EXOC3L1: variants seen among roughly 807,000 people sequenced by gnomAD.
EXOC3L1 encodes the protein exocyst complex component 3 like 1.
EXOC3L1 carries 79 observed loss-of-function variants against 83.6 expected under a neutral mutation model. The observed-to-expected ratio is 0.95, with a 90% CI of 0.79 to 1.14. The LOEUF is 1.14. Ranked by LOEUF, EXOC3L1 falls within the 50% of genes most tolerant of loss-of-function variation. EXOC3L1 has a pLI of 0.00. For missense variants in EXOC3L1, 945 were observed against 972.0 expected (o/e 0.97, Z 0.37); for synonymous variants, 433 against 451.2 (o/e 0.96, Z 0.51).
Position 67,185,487 on chromosome 16 carries a change from G to A in EXOC3L1, c.1500C>T (p.Ser500=). The A allele has an allele frequency of 6.2e-7, 1 of 1,606,902 alleles. No individual in the cohort carries two copies. The highest frequency in any genetic ancestry group is 8.5e-7 in the Non-Finnish European group (1 of 1,179,952). ...AALNHKSALS[S]SVSVLQLDGA... is the part of the protein sequence containing the mutation. ...CGTCCAGCTGCAGGACAGACACTGA[G>A]GAGCTGGACCAAGCAAAACTACGGC... Residue 500 remains serine, a synonymous_variant, in exon 10 of 14, where the codon TCC becomes TCT. Coordinates refer to ENST00000314586, the MANE Select transcript of EXOC3L1 (RefSeq NM_178516.4).
At chr16:67,184,665 C>T (rs778241889) in intron 13 of EXOC3L1, 21 bp downstream of exon 13, 4 of 1,579,840 alleles carry the variant, frequency 2.5e-6, no homozygotes, top group Non-Finnish European at 3.4e-6. Context: ...CTTCTCTTCC[C>T]TTCTGGCCCC....
chr16:67,187,844 A>C lies in EXOC3L1; in HGVS notation c.428-7T>G. ...TGGGACACTGCAGCCGGCACTAATG[A>C]GAGTGAAAAGGAGACGGCCCTGGGT... On this transcript the variant is annotated splice_region_variant and splice_polypyrimidine_tract_variant and intron_variant, in intron 4 of 13. Transcript: ENST00000314586. 1 of 1,570,962 alleles carries C rather than the reference A, an allele frequency of 6.4e-7. No homozygotes were observed. The highest frequency in any genetic ancestry group is 8.7e-7 in the Non-Finnish European group (1 of 1,155,200).
Position 67,184,956 on chromosome 16 carries a change from C to A in EXOC3L1, c.1851G>T (p.Ala617=). Residue 617 remains alanine (A), a synonymous_variant, in exon 12 of 14, where the codon GCG becomes GCT. Transcript: ENST00000314586. ...CAGCATCGTGCCGCAGGCGCTCGGC[C>A]GCCTGGGTCCTCTCGTCGGCTCCGC... ...VCRGADERTQ[A]AERLRHDAAQ... 1 of 1,610,826 alleles carries A rather than the reference C, an allele frequency of 6.2e-7. No homozygotes were observed. Among genetic ancestry groups the A allele is most frequent in the Non-Finnish European group, 8.5e-7 (1 of 1,179,238 alleles).
chr16:67,189,338 G>A (rs2032819988), intron 2 of EXOC3L1, 158 bp from the exon 3 acceptor site: 2 of 880,780 alleles, frequency 2.3e-6, no homozygotes, highest in Non-Finnish European at 3.3e-6. Context: ...GTGCAGTGGT[G>A]CAATCTCGGG....
At position 67,184,911 on chromosome 16, in the gene EXOC3L1, G is replaced by A; in HGVS notation, c.1896C>T (p.Phe632=). 2 of 1,612,378 alleles carry A rather than the reference G, an allele frequency of 1.2e-6. No homozygotes were observed. Among genetic ancestry groups the A allele is most frequent in the Non-Finnish European group, 1.7e-6 (2 of 1,179,784 alleles). ...RHDAAQLQQL[F]LSLGLEENAH... is the part of the protein sequence containing the mutation. ...CCCAAGAAGCTCTCACCAAACTGAG[G>A]AAAAGCTGCTGAAGCTGGGCAGCAT... is the stretch of plus-strand genomic sequence containing the variant. Residue 632 remains phenylalanine (F), a synonymous_variant, in exon 12 of 14, where the codon TTC becomes TTT. Coordinates refer to ENST00000314586, the MANE Select transcript of EXOC3L1 (RefSeq NM_178516.4).
At position 67,185,211 on chromosome 16, in the gene EXOC3L1, C is replaced by T. The variant is rs2032662486; in HGVS notation, c.1674G>A (p.Glu558=). The change falls in exon 11 of 14, where the codon GAG becomes GAA. Residue 558 remains glutamate, a synonymous_variant. Transcript: ENST00000314586. ...LPSRQWLSSP[E]LLQSVCERTG... ...TCCGTTCACACACACTTTGCAGGAG[C>T]TCAGGGCTCGACAGCCATTGGCGCG... The T allele has an allele frequency of 6.2e-7, 1 of 1,613,322 alleles. No homozygotes were observed. Among genetic ancestry groups the T allele is most frequent in the African/African-American group, 1.3e-5 (1 of 74,982 alleles).
At chr16:67,185,990 T>C (rs1010224340) in intron 9 of EXOC3L1, among the ~76,000 whole-genome samples, 2 of 152,194 alleles carry the variant, frequency 1.3e-5, no homozygotes, top group Admixed American at 6.5e-5. Flanking sequence ...CCACTTTACA[T>C]GTTATCTCAT....
rs781044046 is a variant in EXOC3L1 at position 67,184,994 on chromosome 16, G to A, written c.1813C>T (p.Arg605Cys). 9 of 1,609,702 alleles carry A rather than the reference G, an allele frequency of 5.6e-6. No individual in the cohort carries two copies. The highest frequency in any genetic ancestry group is 7.6e-6 in the Non-Finnish European group (9 of 1,178,708). ...TCGTCGGCTCCGCGGCACACCAGGC[G>A]GCCTTGCATCAGCGCGCTCAGGTAC... ...LQYLSALMQG[R>C]LVCRGADERT... is the part of the protein sequence containing the mutation. The change falls in exon 12 of 14, where the codon CGC becomes TGC. Residue 605 changes from arginine (R) to cysteine (C), a missense_variant. By Grantham distance (180) the Arg-to-Cys change is radical (BLOSUM62 -3). Transcript: ENST00000314586.
Position 67,188,864 on chromosome 16 carries a change from C to T in EXOC3L1, c.284G>A (p.Gly95Glu), listed in dbSNP as rs145550510. 6.2e-7 allele frequency: 1 copy of T among 1,613,258 alleles called. No homozygotes were observed. Among genetic ancestry groups the T allele is most frequent in the Non-Finnish European group, 8.5e-7 (1 of 1,180,012 alleles). ...GGCCTGGCTCAGGGCCTCCCGGGTT[C>T]CCTGCACCACCTCAATGGCCTGGGC... is the stretch of plus-strand genomic sequence containing the variant. ...QLAQAIEVVQ[G>E]TREALSQARG... The change falls in exon 4 of 14, where the codon GGA (glycine) becomes GAA (glutamate). Residue 95 changes from glycine to glutamate, a missense_variant. Physicochemically the swap from Gly to Glu is moderately conservative, Grantham distance 98. Transcript: ENST00000314586.
Position 67,185,023 on chromosome 16 carries a change from A to G in EXOC3L1, c.1784T>C (p.Leu595Pro). ...LLAEAERAVVLQYLSALMQGR... is the reference protein window; with the variant it reads ...LLAEAERAVVPQYLSALMQGR... ...TTGCATCAGCGCGCTCAGGTACTGG[A>G]GCACCACGGCACGCTCGGCCTCAGC... Residue 595 changes from leucine to proline, a missense_variant, in exon 12 of 14, where the codon CTC becomes CCC. Leu to Pro is a moderately conservative substitution (Grantham distance 98). Transcript: ENST00000314586. The G allele has an allele frequency of 1.2e-6, 2 of 1,609,530 alleles. No homozygotes were observed. Among genetic ancestry groups the G allele is most frequent in the Non-Finnish European group, 8.5e-7 (1 of 1,178,006 alleles).
At chr16:67,185,580 C>CCGG in intron 9 of EXOC3L1, 90 bp from the exon 10 acceptor site, 2 of 1,246,638 alleles carry the variant, frequency 1.6e-6, no homozygotes, top group Non-Finnish European at 2.3e-6. Context: ...CCTTGTGGGG[C>CCGG]AAGTGTTTGA....
intron 1 of EXOC3L1, 83 bp from the exon 2 acceptor site, chr16:67,189,766 T>G (rs941535716): frequency 1.3e-5 from 18 of 1,388,608 alleles, no homozygotes; most frequent in Non-Finnish European, 1.8e-5. Flanking sequence ...GTCTAAGCCC[T>G]TCTGAGAGGA....
Position 67,185,117 on chromosome 16 carries a change from A to G in EXOC3L1, c.1749+19T>C, listed in dbSNP as rs756098820. 6.8e-6 allele frequency: 11 copies of G among 1,612,874 alleles called. No homozygotes were observed. Among genetic ancestry groups the G allele is most frequent in the South Asian group, 3.3e-5 (3 of 91,080 alleles). On this transcript the variant is annotated intron_variant, in intron 11 of 13. Transcript: ENST00000314586. ...TCTCACCCGCGCCGCCCCTTCCCCA[A>G]TCTTTTCCCCCAACCCACCTGAACC...
At position 67,185,249 on chromosome 16, in the gene EXOC3L1, C is replaced by T; in HGVS notation, c.1636G>A (p.Ala546Thr). ...AGCCATTGGCGCGAGGGCAGATCCGCGAACAGGGGCTGGGGAAATGATCCA... is the reference window on the plus strand; with the variant it reads ...AGCCATTGGCGCGAGGGCAGATCCGTGAACAGGGGCTGGGGAAATGATCCA... ...ALQAELQPLF[A>T]DLPSRQWLSS... The change falls in exon 11 of 14, where the codon GCG becomes ACG. Residue 546 changes from alanine (A) to threonine (T), a missense_variant. Physicochemically the swap from Ala to Thr is moderately conservative, Grantham distance 58 (BLOSUM62 0). Transcript: ENST00000314586. The T allele has an allele frequency of 6.2e-7, 1 of 1,613,562 alleles. No individual in the cohort carries two copies.
Position 67,187,837 on chromosome 16 carries a change from A to ACTAATG in EXOC3L1, c.428-6_428-1dup (p.Ala142_Val143insAlaLeu). ...CTGTGTGTGGGACACTGCAGCCGGC[A>ACTAATG]CTAATGAGAGTGAAAAGGAGACGGC... On this transcript the variant is annotated inframe_insertion and splice_region_variant. Transcript: ENST00000314586. 6.3e-7 allele frequency: 1 copy of ACTAATG among 1,578,758 alleles called. No homozygotes were observed. The highest frequency in any genetic ancestry group is 8.6e-7 in the Non-Finnish European group (1 of 1,159,332).
At position 67,186,270 on chromosome 16, in the gene EXOC3L1, A is replaced by G; in HGVS notation, c.1463T>C (p.Leu488Pro). The G allele has an allele frequency of 6.3e-7, 1 of 1,578,690 alleles. No homozygotes were observed. Among genetic ancestry groups the G allele is most frequent in the East Asian group, 2.3e-5 (1 of 42,972 alleles). Residue 488 changes from leucine to proline, a missense_variant, in exon 9 of 14, where the codon CTA becomes CCA. Coordinates refer to ENST00000314586, the MANE Select transcript of EXOC3L1 (RefSeq NM_178516.4). ...TGACTTGTGGTTGAGGGCGGCCAGT[A>G]GGTAGGGCACGTAATGAGGGGCCAT... ...KSMAPHYVPY[L>P]LAALNHKSAL...
chr16:67,185,248 G>C lies in EXOC3L1; in HGVS notation c.1637C>G (p.Ala546Gly). The C allele has an allele frequency of 6.2e-7, 1 of 1,613,496 alleles. No homozygotes were observed. Among genetic ancestry groups the C allele is most frequent in the Non-Finnish European group, 8.5e-7 (1 of 1,180,014 alleles). ...CAGCCATTGGCGCGAGGGCAGATCCGCGAACAGGGGCTGGGGAAATGATCC... is the reference window on the plus strand; with the variant it reads ...CAGCCATTGGCGCGAGGGCAGATCCCCGAACAGGGGCTGGGGAAATGATCC... Reference protein sequence around the residue: ...ALQAELQPLFADLPSRQWLSS... With the variant: ...ALQAELQPLFGDLPSRQWLSS... The change falls in exon 11 of 14, where the codon GCG becomes GGG. Residue 546 changes from alanine to glycine, a missense_variant. Ala to Gly is a moderately conservative substitution (Grantham distance 60, BLOSUM62 0). Coordinates refer to ENST00000314586, the MANE Select transcript of EXOC3L1 (RefSeq NM_178516.4).
intron 10 of EXOC3L1, 36 bp from the exon 11 acceptor site, chr16:67,185,294 G>T (rs1476892309): frequency 6.2e-7 from 1 of 1,613,238 alleles, no homozygotes; most frequent in South Asian, 1.1e-5. Context: ...TTGCCGCGGA[G>T]ACCCCCATAC....
chr16:67,185,392 A>G lies in EXOC3L1; in HGVS notation c.1595T>C (p.Leu532Ser). 6.2e-7 allele frequency: 1 copy of G among 1,612,588 alleles called. No individual in the cohort carries two copies. Residue 532 changes from leucine (L) to serine (S), a missense_variant, in exon 10 of 14, where the codon TTG becomes TCG. Leu to Ser is a moderately radical substitution (Grantham distance 145). Coordinates refer to ENST00000314586, the MANE Select transcript of EXOC3L1 (RefSeq NM_178516.4). ...LDELQRRIYRLVLEALQAELQ... is the reference protein window; with the variant it reads ...LDELQRRIYRSVLEALQAELQ... ...CTCCGCCTGCAGCGCCTCCAACACC[A>G]AGCGGTAGATCCTCCTCTGCAACTC...
Sources: allele counts gnomAD v4.1 joint callset (sites outside exome capture counted in the v4.1 genomes callset), GRCh38; gene constraint gnomAD v4.1.1; transcripts MANE v1.5; gene names NCBI Gene and HGNC (gene_info 2026-07-23, HGNC 2026-07-21).